DIS3: variants seen among roughly 807,000 people sequenced by gnomAD.
DIS3 encodes DIS3 exosome endoribonuclease and 3'-5' exoribonuclease, also known as exosome complex exonuclease RRP44.
In DIS3, 103 loss-of-function variants were observed where a neutral mutation model predicts 113.0. The ratio of observed to expected loss-of-function variants is 0.91; its 90% CI spans 0.78 to 1.07. DIS3 has a LOEUF of 1.07. Ranked by LOEUF, DIS3 falls within the 50% of genes least tolerant of loss-of-function variation. The pLI is 0.00. For synonymous variants in DIS3, 402 were observed against 394.3 expected, an observed-to-expected ratio of 1.02 and a Z score of -0.23; for missense variants, 1,121 against 1,167.1, an observed-to-expected ratio of 0.96 and a Z score of 0.58.
At chr13:72,780,188 T>C (rs1217464896) in intron 2 of DIS3, among the ~76,000 whole-genome samples, 1 of 151,650 alleles carries the variant, frequency 6.6e-6, no homozygotes, top group Non-Finnish European at 1.5e-5. Flanking sequence ...TAGCCTGGCA[T>C]AGTGGTGCGT....
rs2033986421 is a variant in DIS3, at chr13:72,775,330, C to T, written c.868G>A (p.Asp290Asn). 1 of 1,613,436 alleles carries T rather than the reference C, an allele frequency of 6.2e-7. No homozygotes were observed. The highest frequency in any genetic ancestry group is 1.1e-5 in the South Asian group (1 of 90,996). The change falls in exon 6 of 21, where the codon GAT becomes AAT. Residue 290 changes from aspartate (D) to asparagine (N), a missense_variant. Coordinates refer to ENST00000377767, the MANE Select transcript of DIS3 (RefSeq NM_014953.5). ...LKHLNRAVHEDIVAVELLPKS... is the reference protein window; with the variant it reads ...LKHLNRAVHENIVAVELLPKS... ...GGGAGAAGCTCCACAGCCACAATAT[C>T]TTCGTGAACAGCTCTGTTTAAATGT...
rs1048554041 is a variant in DIS3, at chr13:72,761,234, A to G, written c.2670+129T>C. The G allele has an allele frequency of 6.7e-6, 8 of 1,192,698 alleles. No individual in the cohort carries two copies. In the South Asian group the frequency reaches 1.4e-4, roughly 20 times the overall value. 73.9% of individuals were successfully genotyped at this position (1,192,698 alleles called of 1,614,324 possible). On this transcript the variant is annotated intron_variant, in intron 19 of 20. Transcript: ENST00000377767. The stretch of plus-strand genomic sequence containing the variant: ...CAAAATTAAATGTAGATTTTCTGGC[A>G]TGTATTTGGAGATCAGGATAAATTC...
At chr13:72,781,129 G>T (rs1274214846) in intron 1 of DIS3, 126 bp from the exon 2 acceptor site, 2 of 1,327,692 alleles carry the variant, frequency 1.5e-6, no homozygotes, top group African/African-American at 3.0e-5. Flanking sequence ...GTTAAGCCAA[G>T]AAGCTATTTG....
Position 72,759,881 on chromosome 13 carries a change from A to T in DIS3, c.2794-3T>A, listed in dbSNP as rs768888193. On this transcript the variant is annotated splice_polypyrimidine_tract_variant and splice_region_variant and intron_variant, in intron 20 of 20. Transcript: ENST00000377767. The stretch of plus-strand genomic sequence containing the variant: ...GTAGGAATGCTTATTCCTGGTATCT[A>T]AAGTAATGCAAATGGGGGGAAATAA... 2.5e-6 allele frequency: 4 copies of T among 1,607,386 alleles called. No individual in the cohort carries two copies. Among genetic ancestry groups the T allele is most frequent in the Middle Eastern group, 1.6e-4 (1 of 6,068 alleles).
Position 72,771,928 on chromosome 13 carries a change from A to G in DIS3, c.1504-32T>C, listed in dbSNP as rs1593845848. On this transcript the variant is annotated intron_variant, in intron 10 of 20. Transcript: ENST00000377767. ...AAGATAAAAATAAAAGGATGTCAAT[A>G]TGCTTGACTGGGTAAATGTACCTAA... The G allele has an allele frequency of 1.9e-6, 3 of 1,595,080 alleles. No individual in the cohort carries two copies. In the Admixed American group the frequency reaches 5.1e-5, roughly 27 times the overall value.
chr13:72,781,871 C>G lies in DIS3; in HGVS notation c.-39G>C. 1 of 1,491,242 alleles carries G rather than the reference C, an allele frequency of 6.7e-7. No individual in the cohort carries two copies. The highest frequency in any genetic ancestry group is 1.3e-5 in the South Asian group (1 of 78,012). 92.4% of individuals were successfully genotyped at this position (1,491,242 alleles called of 1,614,324 possible). ...GCAGAATCCTAACCCCAGCAGCGCT[C>G]TTCCAGCAAAAGGCGTCAATCTAGA... On this transcript the variant is annotated 5_prime_UTR_variant, in exon 1 of 21. Transcript: ENST00000377767.
chr13:72,760,623 A>G lies in DIS3; in HGVS notation c.2699T>C (p.Val900Ala), dbSNP rs540000925. The G allele has an allele frequency of 7.0e-5, 113 of 1,612,628 alleles. No individual in the cohort carries two copies. Among genetic ancestry groups the G allele is most frequent in the Non-Finnish European group, 8.6e-5 (101 of 1,178,912 alleles). The change falls in exon 20 of 21, where the codon GTG becomes GCG. Residue 900 changes from valine to alanine, a missense_variant. Val to Ala is a moderately conservative substitution (Grantham distance 64). Coordinates refer to ENST00000377767, the MANE Select transcript of DIS3 (RefSeq NM_014953.5). ...TTTAACTTTATCAAATACATGGAAC[A>G]CTGTATCTTCTATTTTAAGTGAGGG... Reference protein sequence around the residue: ...EIPSLKIEDTVFHVFDKVKVK... With the variant: ...EIPSLKIEDTAFHVFDKVKVK...
Position 72,774,031 on chromosome 13 carries a change from A to C in DIS3, c.1016T>G (p.Leu339Trp). The C allele has an allele frequency of 6.2e-7, 1 of 1,608,780 alleles. No homozygotes were observed. The highest frequency in any genetic ancestry group is 8.5e-7 in the Non-Finnish European group (1 of 1,178,746). ...MLKTAVSEKM[L>W]KPTGRVVGII... ...TCCTACAACTCTACCTGTAGGCTTCAACATTTTCTCGCTTACAGCAGTCTT... is the reference window on the plus strand; with the variant it reads ...TCCTACAACTCTACCTGTAGGCTTCCACATTTTCTCGCTTACAGCAGTCTT... Residue 339 changes from leucine (L) to tryptophan (W), a missense_variant, in exon 7 of 21, where the codon TTG becomes TGG. Leu to Trp is a moderately conservative substitution (Grantham distance 61). Around this residue, in one of 3 missense-constraint regions of DIS3, gnomAD observed 861 missense variants for 915.5 expected, o/e 0.94. Transcript: ENST00000377767.
In DIS3 at chr13:72,771,101, G is replaced by C; in HGVS notation, c.1650C>G (p.Ser550=). 6.2e-7 allele frequency: 1 copy of C among 1,613,564 alleles called. No individual in the cohort carries two copies. The highest frequency in any genetic ancestry group is 2.2e-5 in the East Asian group (1 of 44,788). The change falls in exon 12 of 21, where the codon TCC becomes TCG. Residue 550 remains serine, a synonymous_variant. Coordinates refer to ENST00000377767, the MANE Select transcript of DIS3 (RefSeq NM_014953.5). ...VPELLSSNLC[S]LKCDVDRLAF... ...AATACCTGTCCACGTCACATTTTAA[G>C]GAACACAAGTTAGAGCTAAGCAACT...
At chr13:72,770,865 A>G in intron 13 of DIS3, 39 bp downstream of exon 13, 1 of 1,470,102 alleles carries the variant, frequency 6.8e-7, no homozygotes, top group Non-Finnish European at 9.1e-7. Context: ...AAAGTACCAA[A>G]AAGTTTAAAA....
Position 72,760,501 on chromosome 13 carries a change from A to C in DIS3, c.2793+28T>G, listed in dbSNP as rs768913294. 7 of 1,613,008 alleles carry C rather than the reference A, an allele frequency of 4.3e-6. No individual in the cohort carries two copies. In the South Asian group the frequency reaches 7.7e-5, roughly 18 times the overall value. ...AAATATGTACTGTTTGTTCCATCAC[A>C]ACAAGGAAATTTTAAGTTTGGCCTT... On this transcript the variant is annotated intron_variant, in intron 20 of 20. Coordinates refer to ENST00000377767, the MANE Select transcript of DIS3 (RefSeq NM_014953.5).
chr13:72,765,730 C>T (rs1051361608), intron 15 of DIS3, among the ~76,000 whole-genome samples: 2 of 152,152 alleles, frequency 1.3e-5, no homozygotes, highest in Non-Finnish European at 2.9e-5. Context: ...AGTTCTAATA[C>T]ATCACACATC....
chr13:72,763,831 T>G (rs1306029722), intron 15 of DIS3, among the ~76,000 whole-genome samples: 1 of 152,126 alleles, frequency 6.6e-6, no homozygotes, highest in African/African-American at 2.4e-5. Context: ...CATGAGTAAA[T>G]CTTACATGCT....
Position 72,755,357 on chromosome 13 carries a change from G to A in DIS3, c.*4438C>T. 1 of 633,408 alleles carries A rather than the reference G, an allele frequency of 1.6e-6. No homozygotes were observed. Among genetic ancestry groups the A allele is most frequent in the Non-Finnish European group, 2.7e-6 (1 of 373,342 alleles). 39.2% of individuals were successfully genotyped at this position (633,408 alleles called of 1,614,324 possible). A position where few individuals can be genotyped will look rare whatever the true frequency, so the allele number is the denominator to read the frequency against. ...TCCCTCCTTAATGTGAAAAATCAAGGGCTTACTGACATAGGAACAACAGAA... is the reference window on the plus strand; with the variant it reads ...TCCCTCCTTAATGTGAAAAATCAAGAGCTTACTGACATAGGAACAACAGAA... On this transcript the variant is annotated 3_prime_UTR_variant, in exon 21 of 21. Transcript: ENST00000377767.
chr13:72,772,057 A>C, intron 10 of DIS3, 102 bp downstream of exon 10: 1 of 1,216,344 alleles, frequency 8.2e-7, no homozygotes, highest in Non-Finnish European at 1.2e-6. Flanking sequence ...CTACAATTAT[A>C]CTTCACAAGA....
chr13:72,780,363 TTAACC>T (rs1457385823), intron 2 of DIS3, among the ~76,000 whole-genome samples: 1 of 150,660 alleles, frequency 6.6e-6, no homozygotes, highest in African/African-American at 2.4e-5. Flanking sequence ...ATTCTATTCC[TTAACC>T]TAATCTTGCT....
chr13:72,773,555 C>T, intron 8 of DIS3, 129 bp downstream of exon 8: 1 of 1,049,108 alleles, frequency 9.5e-7, no homozygotes, highest in Non-Finnish European at 1.3e-6. Flanking sequence ...TACCAGGTCA[C>T]TTTGTGAAAT....
Position 72,759,863 on chromosome 13 carries a change from T to C in DIS3, c.2809A>G (p.Ile937Val). ...TCCATGTTTGAAGTATCAGTAGGAA[T>C]GCTTATTCCTGGTATCTAAAGTAAT... is the stretch of plus-strand genomic sequence containing the variant. Reference protein sequence around the residue: ...LVEPQIPGISIPTDTSNMDLN... With the variant: ...LVEPQIPGISVPTDTSNMDLN... Residue 937 changes from isoleucine to valine, a missense_variant, in exon 21 of 21, where the codon ATT (isoleucine) becomes GTT (valine). Coordinates refer to ENST00000377767, the MANE Select transcript of DIS3 (RefSeq NM_014953.5). 1 of 1,612,916 alleles carries C rather than the reference T, an allele frequency of 6.2e-7. No homozygotes were observed.
chr13:72,761,570 TAAAC>T (rs761928523), intron 18 of DIS3, 49 bp from the exon 19 acceptor site: 30 of 1,523,962 alleles, frequency 2.0e-5, no homozygotes, highest in Middle Eastern at 1.8e-4. Context: ...AATTTTTAAA[TAAAC>T]AAAAAATTGA....
Sources: gnomAD v4.1 joint callset for allele counts (sites outside exome capture counted in the v4.1 genomes callset) on GRCh38, gnomAD v4.1.1 for gene constraint, gnomAD v4.1.1 regional missense constraint, MANE v1.5 for transcripts, NCBI Gene and HGNC (gene_info 2026-07-23, HGNC 2026-07-21) for gene names.